PCDHGA1: variants seen among roughly 807,000 people sequenced by gnomAD.
The protein encoded by PCDHGA1 is protocadherin gamma-A1.
Under a neutral mutation model 58.0 loss-of-function variants are expected in PCDHGA1, and 32 were observed. That is an observed-to-expected ratio of 0.55 (90% CI 0.42 to 0.74). The LOEUF is 0.74. Ranked by LOEUF, PCDHGA1 falls within the 30% of genes least tolerant of loss-of-function variation. PCDHGA1 has a pLI of 0.00. For missense variants in PCDHGA1, 1,205 were observed against 1,182.3 expected, an observed-to-expected ratio of 1.02 and a Z score of -0.28; for synonymous variants, 498 against 501.1, an observed-to-expected ratio of 0.99 and a Z score of 0.08.
chr5:141,348,603 ACC>A (rs2149749641), intron 1 of PCDHGA1, among the ~76,000 whole-genome samples: 1 of 152,326 alleles, frequency 6.6e-6, no homozygotes, highest in Non-Finnish European at 1.5e-5. Flanking sequence ...AGAGTATGGA[ACC>A]CATACAATTC....
intron 1 of PCDHGA1, chr5:141,417,977 G>T (rs752463782): frequency 1.2e-6 from 2 of 1,613,872 alleles, no homozygotes; most frequent in South Asian, 2.2e-5. Context: ...GATTCCGGAG[G>T]AGCTGGCCAA....
At chr5:141,413,396 G>A in intron 1 of PCDHGA1, 1 of 1,614,060 alleles carries the variant, frequency 6.2e-7, no homozygotes, top group Non-Finnish European at 8.5e-7. Flanking sequence ...GTCTCCAGAG[G>A]TAGGACGCAG....
At chr5:141,480,240 C>CA (rs11374694) in intron 1 of PCDHGA1, among the ~76,000 whole-genome samples, 21,591 of 113,808 alleles carry the variant, frequency 0.19, 1,578 homozygotes, top group Admixed American at 0.21. Context: ...CCTGTCTCTA[C>CA]AAAAAAAAAA....
chr5:141,415,901 C>A, intron 1 of PCDHGA1: 1 of 847,932 alleles, frequency 1.2e-6, no homozygotes, highest in Non-Finnish European at 1.6e-6. Context: ...CTAAGACAGA[C>A]TTCCATACAG....
chr5:141,365,873 T>A, intron 1 of PCDHGA1: 4 of 1,614,096 alleles, frequency 2.5e-6, no homozygotes, highest in Non-Finnish European at 3.4e-6. Context: ...CGGTGTCCTG[T>A]ATGCTCTGAG....
intron 1 of PCDHGA1, chr5:141,409,266 A>G (rs1285539149): frequency 1.1e-5 from 17 of 1,613,922 alleles, no homozygotes; most frequent in Non-Finnish European, 1.4e-5. Flanking sequence ...CTCTCTGATC[A>G]GATTTTGGAG....
rs780532762 is a variant in PCDHGA1 at position 141,332,882 on chromosome 5, C to G, written c.2198C>G (p.Ala733Gly). 1.2e-6 allele frequency: 2 copies of G among 1,614,114 alleles called. No individual in the cohort carries two copies. Among genetic ancestry groups the G allele is most frequent in the Admixed American group, 1.7e-5 (1 of 60,018 alleles). ...CTACAGGCTTCGGGAGGCGGCTTAG[C>G]GAGCATGCCCGGTTCGCACTTTGTG... ...RLLQASGGGLASMPGSHFVGV... is the reference protein window; with the variant it reads ...RLLQASGGGLGSMPGSHFVGV... The change falls in exon 1 of 4, where the codon GCG becomes GGG. Residue 733 changes from alanine to glycine, a missense_variant. By Grantham distance (60) the Ala-to-Gly change is moderately conservative. Coordinates refer to ENST00000517417, the MANE Select transcript of PCDHGA1 (RefSeq NM_018912.3). This position sits in a 1 kb window ranked among gnomAD's most constrained non-coding sequence, Gnocchi z 4.6.
intron 1 of PCDHGA1, chr5:141,468,381 G>A (rs1297428363): frequency 2.0e-5 from 3 of 149,754 alleles, no homozygotes; most frequent in South Asian, 2.1e-4. Flanking sequence ...AGCCATACAA[G>A]GCTACCCATT....
chr5:141,367,183 G>A lies in PCDHGA1; in HGVS notation c.2421+34078G>A, dbSNP rs190214885. On this transcript the variant is annotated intron_variant, in intron 1 of 3. Coordinates refer to ENST00000517417, the MANE Select transcript of PCDHGA1 (RefSeq NM_018912.3). Reference sequence around the variant, plus strand: ...TTAGTCTACCTGAAATTTGTTTAAGGAAATAATTTACAGTATTTACATAAA... The same window carrying A: ...TTAGTCTACCTGAAATTTGTTTAAGAAAATAATTTACAGTATTTACATAAA... 1.5e-3 allele frequency: 236 copies of A among 158,878 alleles called. 2 individuals carry two copies. The Middle Eastern group carries it at 0.027, about 18-fold the overall frequency. The allele number at this position is 158,878 out of a possible 1,614,324, so 9.8% of individuals were successfully genotyped here.
At chr5:141,360,167 T>C in intron 1 of PCDHGA1, 1 of 1,607,632 alleles carries the variant, frequency 6.2e-7, no homozygotes, top group East Asian at 2.2e-5. Flanking sequence ...TGCGGGCTGG[T>C]GCGGTGGCTG....
chr5:141,492,998 C>A (rs2154589328), intron 1 of PCDHGA1, among the ~76,000 whole-genome samples: 1 of 152,334 alleles, frequency 6.6e-6, no homozygotes, highest in Admixed American at 6.5e-5. Flanking sequence ...AGATGGAAAG[C>A]TATAGGCTCT....
intron 1 of PCDHGA1, chr5:141,367,099 T>A (rs1197346861): frequency 4.0e-6 from 1 of 250,422 alleles, no homozygotes; most frequent in Admixed American, 5.1e-5. Context: ...CTTTTGAGTG[T>A]CTGCCTAGAC....
rs1326296096 is a variant in PCDHGA1, at chr5:141,505,460, A to G, written c.2548A>G (p.Met850Val). The change falls in exon 3 of 4, where the codon ATG becomes GTG. Residue 850 changes from methionine to valine, a missense_variant. Transcript: ENST00000517417. Reference protein sequence around the residue: ...NQFDTEMLQAMILASASEAAD... With the variant: ...NQFDTEMLQAVILASASEAAD... ...GTTTGACACAGAGATGCTGCAAGCC[A>G]TGATCTTGGCGTCCGCCAGTGGTAA... 2 of 1,614,070 alleles carry G rather than the reference A, an allele frequency of 1.2e-6. No homozygotes were observed. The highest frequency in any genetic ancestry group is 1.3e-5 in the African/African-American group (1 of 74,942).
Position 141,489,065 on chromosome 5 carries a change from C to T in PCDHGA1, c.2422-5742C>T, listed in dbSNP as rs558074504. On this transcript the variant is annotated intron_variant, in intron 1 of 3. Coordinates refer to ENST00000517417, the MANE Select transcript of PCDHGA1 (RefSeq NM_018912.3). This position sits in a 1 kb window ranked among gnomAD's most constrained non-coding sequence, Gnocchi z 4.5. ...CCACTCAAATTCAGCTCCCCTCCCC[C>T]CTGCCCACCCCCGCCACTCGGTGAC... 3.3e-5 allele frequency: 13 copies of T among 388,932 alleles called. 1 individual carries two copies. Among genetic ancestry groups the T allele is most frequent in the African/African-American group, 8.5e-5 (4 of 47,158 alleles). 24.1% of individuals were successfully genotyped at this position (388,932 alleles called of 1,614,324 possible).
intron 1 of PCDHGA1, chr5:141,365,377 C>T (rs1259011654): frequency 3.1e-6 from 5 of 1,613,982 alleles, no homozygotes; most frequent in Non-Finnish European, 4.2e-6. Context: ...AAGTGATCCT[C>T]ACCTCTCTGA....
At position 141,432,463 on chromosome 5, in the gene PCDHGA1, C is replaced by T; in HGVS notation, c.2422-62344C>T. ...CCGAGATCCTGTACCCCGCCCTCCC[C>T]ACGGACGGTTCCACTGGCGTGGAGC... On this transcript the variant is annotated intron_variant, in intron 1 of 3. Transcript: ENST00000517417. The surrounding 1 kb of genome is among the most constrained non-coding windows in gnomAD (Gnocchi z 6.0). 6.2e-7 allele frequency: 1 copy of T among 1,614,238 alleles called. No individual in the cohort carries two copies. The highest frequency in any genetic ancestry group is 1.1e-5 in the South Asian group (1 of 91,084).
intron 2 of PCDHGA1, 76 bp from the exon 3 acceptor site, chr5:141,505,317 G>T: frequency 6.2e-7 from 1 of 1,603,092 alleles, no homozygotes. Flanking sequence ...AGGTTTGGGA[G>T]CCCTGGGAGA....
intron 1 of PCDHGA1, among the ~76,000 whole-genome samples, chr5:141,456,359 G>A (rs2098853225): frequency 6.6e-6 from 1 of 152,158 alleles, no homozygotes; most frequent in Non-Finnish European, 1.5e-5. Context: ...TGGCGTCCAT[G>A]TGTGGTTCAG....
rs144789830 is a variant in PCDHGA1 at position 141,503,198 on chromosome 5, C to T, written c.2481-2195C>T. Among the ~76,000 whole-genome samples the T allele has an allele frequency of 3.7e-3, 561 of 152,172 alleles. 5 individuals carry two copies. Among genetic ancestry groups the T allele is most frequent in the Admixed American group, 0.011 (164 of 15,268 alleles). ...TATTGTGTAATTATTTAAAATCAGC[C>T]TCTCAGTGCCCACCATGAGCACCGT... On this transcript the variant is annotated intron_variant, in intron 2 of 3. Coordinates refer to ENST00000517417, the MANE Select transcript of PCDHGA1 (RefSeq NM_018912.3).
Sources: gnomAD v4.1 joint callset for allele counts (sites outside exome capture counted in the v4.1 genomes callset) on GRCh38, gnomAD v4.1.1 for gene constraint, Gnocchi (gnomAD v3.1) non-coding constraint, MANE v1.5 for transcripts, NCBI Gene and HGNC (gene_info 2026-07-23, HGNC 2026-07-21) for gene names.